The following ADCY10 variants were observed in gnomAD, a reference collection of about 807,000 sequenced individuals.
ADCY10 encodes adenylate cyclase type 10.
ADCY10 carries 156 observed loss-of-function variants against 183.3 expected under a neutral mutation model. The ratio of observed to expected loss-of-function variants is 0.85; its 90% CI spans 0.75 to 0.97. The LOEUF is 0.97. Among genes scored for constraint, ADCY10 ranks in the 50% least tolerant of loss-of-function variants. The pLI, the probability that ADCY10 is intolerant of heterozygous loss-of-function variation, is 0.00. For missense variants in ADCY10, 1,745 were observed against 1,934.3 expected (o/e 0.90, Z 1.84); for synonymous variants, 645 against 670.0 (o/e 0.96, Z 0.58).
intron 7 of ADCY10, among the ~76,000 whole-genome samples, chr1:167,895,593 T>A (rs998330551): frequency 1.3e-5 from 2 of 152,246 alleles, no homozygotes; most frequent in Admixed American, 1.3e-4. Context: ...TGACATCCAG[T>A]GGAAGTCGCC....
intron 1 of ADCY10, among the ~76,000 whole-genome samples, chr1:167,912,570 C>A (rs1273769852): frequency 6.6e-6 from 1 of 152,238 alleles, no homozygotes; most frequent in African/African-American, 2.4e-5. Context: ...CCTCCTCCAG[C>A]GTCTGTAATA....
intron 31 of ADCY10, among the ~76,000 whole-genome samples, chr1:167,817,567 C>T (rs1662608079): frequency 6.6e-6 from 1 of 152,234 alleles, no homozygotes; most frequent in South Asian, 2.1e-4. Context: ...ACTCTTGCGC[C>T]CCAGCACTCT....
chr1:167,904,891 G>T, intron 2 of ADCY10, 102 bp downstream of exon 2: 6 of 1,498,900 alleles, frequency 4.0e-6, no homozygotes, highest in Non-Finnish European at 5.6e-6. Context: ...CAGCCCAAGG[G>T]CTCCAGAATG....
intron 15 of ADCY10, among the ~76,000 whole-genome samples, chr1:167,860,330 A>C (rs1429250060): frequency 6.6e-6 from 1 of 152,180 alleles, no homozygotes; most frequent in Non-Finnish European, 1.5e-5. Context: ...TGCACAGTTC[A>C]CAATAGGGTT....
In ADCY10 at chr1:167,810,931, A is replaced by G. The variant is rs773757720; in HGVS notation, c.4483-18T>C. 16 of 1,612,848 alleles carry G rather than the reference A, an allele frequency of 9.9e-6. No homozygotes were observed. Among genetic ancestry groups the G allele is most frequent in the Non-Finnish European group, 1.3e-5 (15 of 1,179,014 alleles). ...TCCAAGTTCTAAAGAAAAAAAACCC[A>G]CAACAGTATATTAGAATTAAACAGG... On this transcript the variant is annotated intron_variant, in intron 31 of 32. Transcript: ENST00000367851.
At chr1:167,900,850 CA>C (rs1288556301) in intron 5 of ADCY10, among the ~76,000 whole-genome samples, 1 of 152,110 alleles carries the variant, frequency 6.6e-6, no homozygotes, top group Non-Finnish European at 1.5e-5. Context: ...AAATTTTTAA[CA>C]ACATCAAAAG....
intron 14 of ADCY10, among the ~76,000 whole-genome samples, chr1:167,862,149 C>T (rs1389259613): frequency 6.6e-6 from 1 of 152,214 alleles, no homozygotes; most frequent in Non-Finnish European, 1.5e-5. Flanking sequence ...GGGCAGAGAG[C>T]AGACTTTATT....
In ADCY10 at chr1:167,870,299, A is replaced by G; in HGVS notation, c.1574T>C (p.Ile525Thr). The change falls in exon 14 of 33, where the codon ATA becomes ACA. Residue 525 changes from isoleucine (I) to threonine (T), a missense_variant. By Grantham distance (89) the Ile-to-Thr change is moderately conservative. Coordinates refer to ENST00000367851, the MANE Select transcript of ADCY10 (RefSeq NM_018417.6). ...EGLPGYGKSQILMKIEYLAQG... is the reference protein window; with the variant it reads ...EGLPGYGKSQTLMKIEYLAQG... ...GGCCAGGTACTCAATTTTCATAAGT[A>G]TCTGGCTTTTTCCATATCCTGGTAA... 1.2e-6 allele frequency: 2 copies of G among 1,614,100 alleles called. No individual in the cohort carries two copies. Among genetic ancestry groups the G allele is most frequent in the South Asian group, 2.2e-5 (2 of 91,084 alleles).
At chr1:167,824,921 A>C in intron 26 of ADCY10, 66 bp from the exon 27 acceptor site, 1 of 1,401,376 alleles carries the variant, frequency 7.1e-7, no homozygotes, top group South Asian at 1.2e-5. Context: ...AACATCACTC[A>C]ATGTCTGCCA....
intron 14 of ADCY10, 121 bp downstream of exon 14, chr1:167,870,136 G>T: frequency 9.0e-7 from 1 of 1,109,710 alleles, no homozygotes. Flanking sequence ...CAAGGGTCAT[G>T]GCATCCAATA....
intron 21 of ADCY10, among the ~76,000 whole-genome samples, chr1:167,840,164 T>G (rs1664510198): frequency 6.6e-6 from 1 of 151,684 alleles, no homozygotes; most frequent in South Asian, 2.1e-4. Flanking sequence ...CCTGGAAGTT[T>G]GAGGCTGCAC....
chr1:167,822,979 G>A, intron 29 of ADCY10, 29 bp downstream of exon 29: 2 of 1,599,446 alleles, frequency 1.3e-6, no homozygotes. Flanking sequence ...ACACCCCCAA[G>A]TTCTTTTACA....
intron 12 of ADCY10, among the ~76,000 whole-genome samples, chr1:167,877,468 G>A (rs1322367042): frequency 2.6e-5 from 4 of 151,652 alleles, no homozygotes; most frequent in Admixed American, 6.6e-5. Flanking sequence ...TGAAGACCTC[G>A]ATTCCAGCTT....
chr1:167,831,303 C>T (rs1484000237), intron 25 of ADCY10, among the ~76,000 whole-genome samples: 2 of 152,120 alleles, frequency 1.3e-5, no homozygotes, highest in Non-Finnish European at 2.9e-5. Context: ...AATTCCCCTG[C>T]CTCAACCTTC....
Position 167,860,868 on chromosome 1 carries a change from T to C in ADCY10, c.1809+3A>G. 6.2e-7 allele frequency: 1 copy of C among 1,613,464 alleles called. No homozygotes were observed. The highest frequency in any genetic ancestry group is 8.5e-7 in the Non-Finnish European group (1 of 1,179,400). On this transcript the variant is annotated splice_donor_region_variant and intron_variant, in intron 15 of 32. Transcript: ENST00000367851. Reference sequence around the variant, plus strand: ...GTGCAGAAGTATAATACTAGCTAGTTACCTGAACATGGAAAATGTCATTAA... The same window carrying C: ...GTGCAGAAGTATAATACTAGCTAGTCACCTGAACATGGAAAATGTCATTAA...
At chr1:167,902,556 TTCTC>T in intron 3 of ADCY10, among the ~76,000 whole-genome samples, 1 of 152,262 alleles carries the variant, frequency 6.6e-6, no homozygotes, top group African/African-American at 2.4e-5. Flanking sequence ...TAAATGGCCA[TTCTC>T]TCTTTTAGTT....
At chr1:167,896,323 G>A (rs970995659) in intron 7 of ADCY10, among the ~76,000 whole-genome samples, 3 of 152,172 alleles carry the variant, frequency 2.0e-5, no homozygotes, top group Non-Finnish European at 4.4e-5. Context: ...ACGGAAAGAA[G>A]CTTTACTTTT....
rs755370222 is a variant in ADCY10 at position 167,822,092 on chromosome 1, G to A, written c.4218C>T (p.Tyr1406=). ...FEECLEFIHQ[Y]ENNRILKFHS... ...GGAACTTGAGGATTCTGTTGTTTTC[G>A]TATTGGTGTATGAATTCCAAACATT... Residue 1406 remains tyrosine, a synonymous_variant, in exon 30 of 33, where the codon TAC becomes TAT. Transcript: ENST00000367851. 8.2e-5 allele frequency: 132 copies of A among 1,610,094 alleles called. 1 individual carries two copies. In the East Asian group the frequency reaches 1.7e-3, roughly 21 times the overall value.
intron 1 of ADCY10, among the ~76,000 whole-genome samples, chr1:167,909,009 G>T (rs769693957): frequency 2.6e-5 from 4 of 152,184 alleles, no homozygotes; most frequent in Non-Finnish European, 4.4e-5. Flanking sequence ...CCCATTCATA[G>T]CAAGAAGGAA....
Sources: gnomAD v4.1 joint callset for allele counts (sites outside exome capture counted in the v4.1 genomes callset) on GRCh38, gnomAD v4.1.1 for gene constraint, MANE v1.5 for transcripts, NCBI Gene and HGNC (gene_info 2026-07-23, HGNC 2026-07-21) for gene names.